The following QKI variants were observed in gnomAD, a reference collection of about 807,000 sequenced individuals.
QKI encodes KH domain-containing RNA-binding protein QKI.
In QKI, 10 loss-of-function variants were observed where a neutral mutation model predicts 39.0. The observed-to-expected ratio is 0.26, with a 90% confidence interval of 0.16 to 0.43. QKI has a LOEUF of 0.43. QKI is among the 20% of genes least tolerant of loss of function. The pLI is 1.00. For synonymous variants in QKI, 204 were observed against 155.4 expected (o/e 1.31, Z -2.33); for missense variants, 218 against 428.0 (o/e 0.51, Z 4.33).
chr6:163,430,269 A>T (rs1788720593), intron 1 of QKI, among the ~76,000 whole-genome samples: 1 of 152,048 alleles, frequency 6.6e-6, no homozygotes, highest in African/African-American at 2.4e-5. Flanking sequence ...TTATAGAGTG[A>T]TATATTAATG....
Position 163,528,953 on chromosome 6 carries a change from G to A in QKI, c.403-6029G>A, listed in dbSNP as rs888827659. Among the ~76,000 whole-genome samples the A allele has an allele frequency of 2.6e-5, 4 of 152,092 alleles. No individual in the cohort carries two copies. In the East Asian group the frequency reaches 5.8e-4, roughly 22 times the overall value. ...GTCACTTTGCTGTTATATTGAGATA[G>A]AACTTTAGTCTTGCAGTTTTAAAAA... On this transcript the variant is annotated intron_variant, in intron 3 of 7. Coordinates refer to ENST00000361752, the MANE Select transcript of QKI (RefSeq NM_006775.3).
rs551078943 is a variant in QKI at position 163,465,331 on chromosome 6, A to G, written c.285+9910A>G. 4.6e-5 allele frequency among the ~76,000 whole-genome samples: 7 copies of G among 152,270 alleles called. No homozygotes were observed. In the South Asian group the frequency reaches 1.5e-3, roughly 32 times the overall value. On this transcript the variant is annotated intron_variant, in intron 2 of 7. Transcript: ENST00000361752. ...TTCTAGCCAGAACAGTTAGGCCAAG[A>G]AAAAGAAATAAAGGCAGCCAGGAGT...
chr6:163,529,907 C>T (rs993939901), intron 3 of QKI, among the ~76,000 whole-genome samples: 1 of 152,126 alleles, frequency 6.6e-6, no homozygotes, highest in African/African-American at 2.4e-5. Flanking sequence ...GTATGAACCC[C>T]AGTTTGGACA....
At chr6:163,496,999 A>G (rs1778454071) in intron 3 of QKI, among the ~76,000 whole-genome samples, 1 of 152,112 alleles carries the variant, frequency 6.6e-6, no homozygotes, top group South Asian at 2.1e-4. Flanking sequence ...TCTTTTATTC[A>G]TTGTTCTGTC....
At chr6:163,502,328 A>T (rs1778823293) in intron 3 of QKI, among the ~76,000 whole-genome samples, 2 of 152,126 alleles carry the variant, frequency 1.3e-5, no homozygotes, top group South Asian at 4.1e-4. Flanking sequence ...GTCTCAAAAC[A>T]AAACAAAACA....
At chr6:163,560,513 T>C (rs1782927842) in intron 4 of QKI, among the ~76,000 whole-genome samples, 1 of 152,074 alleles carries the variant, frequency 6.6e-6, no homozygotes, top group Non-Finnish European at 1.5e-5. Flanking sequence ...AGGTAGGATT[T>C]GGAAAGAGAG....
chr6:163,504,818 A>G (rs916308337), intron 3 of QKI, among the ~76,000 whole-genome samples: 4 of 152,210 alleles, frequency 2.6e-5, no homozygotes, highest in Non-Finnish European at 4.4e-5. Context: ...TTCTTTTGCT[A>G]TTTGGATGCT....
chr6:163,489,350 C>T (rs1777903036), intron 3 of QKI, among the ~76,000 whole-genome samples: 1 of 151,868 alleles, frequency 6.6e-6, no homozygotes, highest in Non-Finnish European at 1.5e-5. Flanking sequence ...GCAGTTTCCC[C>T]CCAGCTTCAC....
chr6:163,446,069 T>G (rs1015997838), intron 1 of QKI, among the ~76,000 whole-genome samples: 1 of 152,240 alleles, frequency 6.6e-6, no homozygotes, highest in Non-Finnish European at 1.5e-5. Context: ...CAGCTATCCT[T>G]TCATATTTTT....
At chr6:163,570,166 A>C in intron 7 of QKI, 1 of 985,804 alleles carries the variant, frequency 1.0e-6, no homozygotes, top group South Asian at 4.7e-5. Context: ...CCCAGAGTTT[A>C]TGTTGAACCA....
At chr6:163,563,052 G>A (rs1000346655) in intron 5 of QKI, among the ~76,000 whole-genome samples, 10 of 152,086 alleles carry the variant, frequency 6.6e-5, no homozygotes, top group African/African-American at 1.9e-4. Flanking sequence ...TGTGGACTCC[G>A]GTTACAAATT....
intron 2 of QKI, among the ~76,000 whole-genome samples, chr6:163,473,914 A>G (rs1033384005): frequency 2.5e-4 from 21 of 82,874 alleles, no homozygotes; most frequent in African/African-American, 6.9e-4. Context: ...TTATGAATGG[A>G]CATTTCTTAA....
chr6:163,425,167 T>G (rs1419478617), intron 1 of QKI, among the ~76,000 whole-genome samples: 1 of 152,148 alleles, frequency 6.6e-6, no homozygotes, highest in African/African-American at 2.4e-5. Flanking sequence ...TGAGTTGATA[T>G]TAACAGCTGG....
At chr6:163,447,138 A>AG in intron 1 of QKI, among the ~76,000 whole-genome samples, 1 of 152,260 alleles carries the variant, frequency 6.6e-6, no homozygotes, top group Middle Eastern at 3.4e-3. Flanking sequence ...GAAACTCTTA[A>AG]GTAAAGCTGG....
intron 1 of QKI, among the ~76,000 whole-genome samples, chr6:163,418,045 C>A (rs777294261): frequency 2.0e-5 from 3 of 149,622 alleles, no homozygotes; most frequent in Non-Finnish European, 4.4e-5. Flanking sequence ...TGTGGTTTGT[C>A]ATTGTCCAAA....
intron 3 of QKI, among the ~76,000 whole-genome samples, chr6:163,522,031 G>A (rs1351432374): frequency 1.3e-5 from 2 of 152,174 alleles, no homozygotes; most frequent in Non-Finnish European, 2.9e-5. Context: ...AAAGAACAGA[G>A]ATAGGAGTTA....
chr6:163,517,067 C>CTT (rs1562505513), intron 3 of QKI, among the ~76,000 whole-genome samples: 3 of 77,330 alleles, frequency 3.9e-5, no homozygotes, highest in African/African-American at 2.0e-4. Context: ...CACTCTCTCT[C>CTT]TCTCTCTCTC....
chr6:163,475,868 G>A (rs1265395127), intron 2 of QKI, among the ~76,000 whole-genome samples: 1 of 151,990 alleles, frequency 6.6e-6, no homozygotes, highest in Non-Finnish European at 1.5e-5. Context: ...ATGAAGATAA[G>A]GTTGAAAATT....
intron 1 of QKI, among the ~76,000 whole-genome samples, chr6:163,442,280 A>G (rs1789820173): frequency 6.6e-6 from 1 of 152,228 alleles, no homozygotes; most frequent in South Asian, 2.1e-4. Context: ...TAATAAGTTT[A>G]CTAGTATTTT....
Sources: allele counts gnomAD v4.1 joint callset (sites outside exome capture counted in the v4.1 genomes callset), GRCh38; gene constraint gnomAD v4.1.1; transcripts MANE v1.5; gene names NCBI Gene and HGNC (gene_info 2026-07-23, HGNC 2026-07-21).